CPAMD8: variants seen among roughly 807,000 people sequenced by gnomAD.
CPAMD8 encodes the protein C3 and PZP like alpha-2-macroglobulin domain containing 8.
Under a neutral mutation model 224.7 loss-of-function variants are expected in CPAMD8, and 146 were observed. The ratio of observed to expected loss-of-function variants is 0.65; its 90% CI spans 0.57 to 0.75. The LOEUF (loss-of-function observed/expected upper bound fraction) is 0.75, where lower values mean the gene tolerates loss of function less well. Among genes scored for constraint, CPAMD8 ranks in the 30% least tolerant of loss-of-function variants. CPAMD8 has a pLI of 0.00. For missense variants in CPAMD8, 2,301 were observed against 2,537.5 expected (o/e 0.91, Z 2.00); for synonymous variants, 966 against 1,044.6 (o/e 0.92, Z 1.45).
Position 16,980,700 on chromosome 19 carries a change from G to T in CPAMD8, c.1396-14C>A. On this transcript the variant is annotated splice_polypyrimidine_tract_variant and intron_variant, in intron 13 of 41. Transcript: ENST00000443236. ...TTCTTCCCCAACCTATGGAAGACAC[G>T]CAGCATGGGGGGCTCTGCCTCGCAC... 1.3e-6 allele frequency: 2 copies of T among 1,514,714 alleles called. No individual in the cohort carries two copies. Among genetic ancestry groups the T allele is most frequent in the Non-Finnish European group, 1.8e-6 (2 of 1,131,262 alleles). The allele number at this position is 1,514,714 out of a possible 1,614,324, so 93.8% of individuals were successfully genotyped here.
chr19:16,910,071 C>T (rs990975124), intron 29 of CPAMD8, among the ~76,000 whole-genome samples: 1 of 151,976 alleles, frequency 6.6e-6, no homozygotes, highest in African/African-American at 2.4e-5. Context: ...AGGCTGGTCT[C>T]GGACTCCTGG....
intron 22 of CPAMD8, among the ~76,000 whole-genome samples, chr19:16,944,042 C>T (rs1227499428): frequency 1.3e-5 from 2 of 152,150 alleles, no homozygotes; most frequent in African/African-American, 4.8e-5. Flanking sequence ...AGAGCGGTGT[C>T]CGTACTCCCT....
chr19:16,895,701 C>A (rs545341991), intron 41 of CPAMD8: 3 of 347,666 alleles, frequency 8.6e-6, no homozygotes, highest in African/African-American at 4.3e-5. Context: ...AAATCCAAGT[C>A]TTTTTGAGCA....
intron 23 of CPAMD8, among the ~76,000 whole-genome samples, chr19:16,937,746 C>G (rs530310855): frequency 6.6e-6 from 1 of 151,680 alleles, no homozygotes; most frequent in Non-Finnish European, 1.5e-5. Flanking sequence ...TCCGCCTCCC[C>G]GGTTCAAGTG....
At chr19:17,026,306 G>A (rs984760266) in intron 1 of CPAMD8, among the ~76,000 whole-genome samples, 3 of 152,194 alleles carry the variant, frequency 2.0e-5, no homozygotes, top group African/African-American at 4.8e-5. Context: ...CACGAAGGGG[G>A]CGAGGTGGGG....
intron 8 of CPAMD8, among the ~76,000 whole-genome samples, chr19:17,002,901 T>C (rs2056375446): frequency 8.1e-6 from 1 of 123,882 alleles, no homozygotes; most frequent in Non-Finnish European, 1.7e-5. Flanking sequence ...TTTTCTTTTC[T>C]TTTCTTTTCT....
In CPAMD8 at chr19:16,945,424, G is replaced by A; in HGVS notation, c.2793+125C>T. On this transcript the variant is annotated intron_variant, in intron 22 of 41. Coordinates refer to ENST00000443236, the MANE Select transcript of CPAMD8 (RefSeq NM_015692.5). ...AAAGTCCAGGCACCTGAGCTCTCAA[G>A]CACAACCCGTGAAGGCTGCCCAGGC... 6.0e-6 allele frequency: 8 copies of A among 1,331,056 alleles called. No individual in the cohort carries two copies. In the South Asian group the frequency reaches 1.2e-4, roughly 19 times the overall value. The allele number at this position is 1,331,056 out of a possible 1,614,324, so 82.5% of individuals were successfully genotyped here. A position where few individuals can be genotyped will look rare whatever the true frequency, so the allele number is the denominator to read the frequency against.
intron 27 of CPAMD8, among the ~76,000 whole-genome samples, chr19:16,916,749 GAATA>G (rs773127779): frequency 2.0e-5 from 3 of 151,782 alleles, no homozygotes; most frequent in African/African-American, 7.3e-5. Flanking sequence ...AGACAAAAAA[GAATA>G]AATAAATAAA....
chr19:16,986,322 T>C (rs969934204), intron 13 of CPAMD8, among the ~76,000 whole-genome samples: 1 of 152,064 alleles, frequency 6.6e-6, no homozygotes, highest in Admixed American at 6.6e-5. Flanking sequence ...GCGCTGGGGT[T>C]TCTGAGCCAC....
chr19:16,987,170 AAAAAAAAAAATATATATATAT>A (rs1203947602), intron 13 of CPAMD8, among the ~76,000 whole-genome samples: 6 of 104,788 alleles, frequency 5.7e-5, no homozygotes, highest in African/African-American at 2.1e-4. Flanking sequence ...AAAAAAAAAA[AAAAAAAAAAATATATATATAT>A]ATATATATAT....
intron 22 of CPAMD8, among the ~76,000 whole-genome samples, chr19:16,939,876 T>TTTGTTG (rs746563623): frequency 6.6e-6 from 1 of 151,990 alleles, no homozygotes; most frequent in Non-Finnish European, 1.5e-5. Flanking sequence ...CTTTAGCTTT[T>TTTGTTG]TTGTTGTTGT....
At chr19:16,959,438 G>A (rs552641856) in intron 18 of CPAMD8, among the ~76,000 whole-genome samples, 1 of 152,150 alleles carries the variant, frequency 6.6e-6, no homozygotes, top group Non-Finnish European at 1.5e-5. Context: ...GCCTCCCAAA[G>A]TGCTGGGATT....
At chr19:16,920,282 A>G (rs1467841608) in intron 27 of CPAMD8, among the ~76,000 whole-genome samples, 1 of 150,774 alleles carries the variant, frequency 6.6e-6, no homozygotes, top group Non-Finnish European at 1.5e-5. Flanking sequence ...GATCGAGACC[A>G]TCCTGGCTAA....
intron 30 of CPAMD8, among the ~76,000 whole-genome samples, chr19:16,906,697 TCA>T (rs2052531568): frequency 6.6e-6 from 1 of 151,926 alleles, no homozygotes; most frequent in Non-Finnish European, 1.5e-5. Flanking sequence ...GGTCGACTCA[TCA>T]GTTTTTTGTT....
At chr19:16,952,443 C>T (rs998354144) in intron 19 of CPAMD8, among the ~76,000 whole-genome samples, 37 of 152,162 alleles carry the variant, frequency 2.4e-4, no homozygotes, top group African/African-American at 8.9e-4. Flanking sequence ...TCTGAGAGGC[C>T]GAGGTGGGAG....
intron 27 of CPAMD8, among the ~76,000 whole-genome samples, 161 bp downstream of exon 27, chr19:16,921,744 C>T: frequency 6.6e-6 from 1 of 152,194 alleles, no homozygotes; most frequent in East Asian, 1.9e-4. Flanking sequence ...GCCCCAACCT[C>T]CATCTCTGGA....
At chr19:16,901,632 G>A (rs1476470010) in intron 35 of CPAMD8, among the ~76,000 whole-genome samples, 1 of 152,224 alleles carries the variant, frequency 6.6e-6, no homozygotes, top group Non-Finnish European at 1.5e-5. Flanking sequence ...GTTGCACAGA[G>A]CAGCCACAGC....
At chr19:16,950,416 C>A (rs1056725935) in intron 20 of CPAMD8, among the ~76,000 whole-genome samples, 2 of 152,166 alleles carry the variant, frequency 1.3e-5, no homozygotes, top group African/African-American at 4.8e-5. Flanking sequence ...AACCACTTCG[C>A]TCCAAGGTTG....
At chr19:16,915,006 G>T (rs1049264847) in intron 27 of CPAMD8, among the ~76,000 whole-genome samples, 193 bp from the exon 28 acceptor site, 1 of 152,198 alleles carries the variant, frequency 6.6e-6, no homozygotes, top group Non-Finnish European at 1.5e-5. Flanking sequence ...ACCCAGTGGG[G>T]CTTGAAGACG....
Sources: allele counts gnomAD v4.1 joint callset (sites outside exome capture counted in the v4.1 genomes callset), GRCh38; gene constraint gnomAD v4.1.1; transcripts MANE v1.5; gene names NCBI Gene and HGNC (gene_info 2026-07-23, HGNC 2026-07-21).